Variants in ERBB4 observed in about 807,000 individuals in gnomAD.
ERBB4 encodes erb-b2 receptor tyrosine kinase 4.
In ERBB4, 42 loss-of-function variants were observed where a neutral mutation model predicts 158.0. The observed-to-expected ratio is 0.27, with a 90% CI of 0.21 to 0.34. The LOEUF (loss-of-function observed/expected upper bound fraction) is 0.34, where lower values mean the gene tolerates loss of function less well. ERBB4 is among the 10% of genes least tolerant of loss of function. The pLI, the probability that ERBB4 is intolerant of heterozygous loss-of-function variation, is 1.00. For synonymous variants in ERBB4, 583 were observed against 558.7 expected, an observed-to-expected ratio of 1.04 and a Z score of -0.61; for missense variants, 1,333 against 1,624.1, an observed-to-expected ratio of 0.82 and a Z score of 3.08.
chr2:212,369,582 G>A (rs2090013823), intron 1 of ERBB4, among the ~76,000 whole-genome samples: 1 of 151,810 alleles, frequency 6.6e-6, no homozygotes, highest in African/African-American at 2.4e-5. Flanking sequence ...ACCATTGCTT[G>A]TTTTAATGCC....
At chr2:211,829,188 AC>A (rs934269412) in intron 3 of ERBB4, among the ~76,000 whole-genome samples, 3 of 152,040 alleles carry the variant, frequency 2.0e-5, no homozygotes, top group Admixed American at 6.6e-5. Context: ...ACTTCCATTA[AC>A]CCGTCCCTAT....
chr2:211,609,236 C>A (rs2069100091), intron 19 of ERBB4, among the ~76,000 whole-genome samples: 1 of 152,080 alleles, frequency 6.6e-6, no homozygotes, highest in African/African-American at 2.4e-5. Flanking sequence ...TGAAAATATT[C>A]TATGTAAAAA....
chr2:211,403,423 T>TA (rs2063084945), intron 25 of ERBB4, among the ~76,000 whole-genome samples: 1 of 152,148 alleles, frequency 6.6e-6, no homozygotes, highest in Non-Finnish European at 1.5e-5. Flanking sequence ...TTTGTGACTA[T>TA]AATCTACAGT....
intron 12 of ERBB4, among the ~76,000 whole-genome samples, chr2:211,680,764 G>C (rs746040956): frequency 2.0e-5 from 3 of 152,150 alleles, no homozygotes; most frequent in African/African-American, 7.2e-5. Context: ...AGCAGACTTA[G>C]ATCTATCAAC....
At chr2:211,600,184 G>A (rs2068758467) in intron 19 of ERBB4, among the ~76,000 whole-genome samples, 2 of 152,158 alleles carry the variant, frequency 1.3e-5, no homozygotes, top group Non-Finnish European at 2.9e-5. Flanking sequence ...AAGGTCAGAA[G>A]GAGCTCTCCT....
intron 3 of ERBB4, among the ~76,000 whole-genome samples, chr2:211,884,902 T>C (rs572946441): frequency 1.3e-5 from 2 of 152,080 alleles, no homozygotes; most frequent in Admixed American, 1.3e-4. Context: ...AAAATTAGAG[T>C]CAACAATAGT....
intron 2 of ERBB4, among the ~76,000 whole-genome samples, chr2:211,974,087 G>T (rs2081536765): frequency 1.3e-5 from 2 of 152,144 alleles, no homozygotes; most frequent in African/African-American, 4.8e-5. Context: ...TCAGAGGGTG[G>T]ACGGTGGGAG....
rs1313906843 is a variant in ERBB4 at position 211,704,663 on chromosome 2, A to G, written c.1199-469T>C. Reference sequence around the variant, plus strand: ...TATAAGACAATGTTGAACACATTACATGCTTAATATGTATGTGCTAAATAA... The same window carrying G: ...TATAAGACAATGTTGAACACATTACGTGCTTAATATGTATGTGCTAAATAA... On this transcript the variant is annotated intron_variant, in intron 10 of 27. Transcript: ENST00000342788. Among the ~76,000 whole-genome samples, 3 of 152,220 alleles carry G rather than the reference A, an allele frequency of 2.0e-5. No homozygotes were observed. The East Asian group carries it at 5.8e-4, about 29-fold the overall frequency.
At chr2:211,531,067 G>A (rs1051947585) in intron 20 of ERBB4, among the ~76,000 whole-genome samples, 4 of 151,944 alleles carry the variant, frequency 2.6e-5, no homozygotes, top group Admixed American at 1.3e-4. Context: ...TTGGGAAAAC[G>A]ACAGTCCCTT....
intron 2 of ERBB4, among the ~76,000 whole-genome samples, chr2:212,055,028 G>A (rs543702377): frequency 6.2e-4 from 94 of 152,284 alleles, no homozygotes; most frequent in African/African-American, 2.1e-3. Flanking sequence ...AAGCATAAAG[G>A]GTCAGGGAAT....
chr2:212,353,016 A>G (rs2106344667), intron 1 of ERBB4, among the ~76,000 whole-genome samples: 1 of 152,260 alleles, frequency 6.6e-6, no homozygotes, highest in East Asian at 1.9e-4. Context: ...AATAACTGTT[A>G]AAAATCCTTT....
chr2:212,344,023 G>T (rs1026006138), intron 1 of ERBB4, among the ~76,000 whole-genome samples: 1 of 151,910 alleles, frequency 6.6e-6, no homozygotes, highest in African/African-American at 2.4e-5. Context: ...AGAGAATAAA[G>T]AATAAGAAAT....
At chr2:212,188,233 TCC>T (rs1401740081) in intron 1 of ERBB4, among the ~76,000 whole-genome samples, 34 of 16,570 alleles carry the variant, frequency 2.1e-3, no homozygotes, top group Non-Finnish European at 2.1e-3. Context: ...TCTCTCTCTC[TCC>T]CCCCCCCTCT....
chr2:211,462,744 AAACT>A (rs2064569600), intron 20 of ERBB4, among the ~76,000 whole-genome samples: 1 of 152,178 alleles, frequency 6.6e-6, no homozygotes, highest in African/African-American at 2.4e-5. Context: ...ATTTTGCAAC[AAACT>A]ATTTAAGTGA....
chr2:212,498,944 T>A (rs940811732), intron 1 of ERBB4, among the ~76,000 whole-genome samples: 1 of 152,022 alleles, frequency 6.6e-6, no homozygotes, highest in Non-Finnish European at 1.5e-5. Context: ...TCTGGACAAG[T>A]GGATCTGAGT....
chr2:212,219,688 C>T (rs1281910579), intron 1 of ERBB4, among the ~76,000 whole-genome samples: 1 of 151,276 alleles, frequency 6.6e-6, no homozygotes, highest in African/African-American at 2.4e-5. Flanking sequence ...CTACATCACA[C>T]ACACACCCCA....
At chr2:212,364,501 A>G (rs954239626) in intron 1 of ERBB4, among the ~76,000 whole-genome samples, 2 of 151,794 alleles carry the variant, frequency 1.3e-5, no homozygotes, top group African/African-American at 4.8e-5. Flanking sequence ...ACAACAATGT[A>G]AGCTCTCCCA....
chr2:211,454,627 C>G (rs1301678282), intron 20 of ERBB4, among the ~76,000 whole-genome samples: 1 of 152,000 alleles, frequency 6.6e-6, no homozygotes, highest in African/African-American at 2.4e-5. Context: ...TTAAAGAGTA[C>G]AAGTGACAAG....
intron 3 of ERBB4, among the ~76,000 whole-genome samples, chr2:211,801,002 A>G (rs1011338025): frequency 6.6e-6 from 1 of 152,200 alleles, no homozygotes; most frequent in Non-Finnish European, 1.5e-5. Context: ...ATTTATCTCT[A>G]TGTGCTTTAT....
Sources: gnomAD v4.1 joint callset for allele counts (sites outside exome capture counted in the v4.1 genomes callset) on GRCh38, gnomAD v4.1.1 for gene constraint, MANE v1.5 for transcripts, NCBI Gene and HGNC (gene_info 2026-07-23, HGNC 2026-07-21) for gene names.